GABRP: variants seen among roughly 807,000 people sequenced by gnomAD.
GABRP encodes the protein gamma-aminobutyric acid type A receptor subunit pi, also known as gamma-aminobutyric acid receptor subunit pi.
A neutral mutation model predicts 47.8 loss-of-function variants in GABRP; 52 were observed. That is an observed-to-expected ratio of 1.09 (90% CI 0.87 to 1.37). GABRP has a LOEUF of 1.37. Among genes scored for constraint, GABRP ranks in the 40% most tolerant of loss-of-function variants. The pLI, the probability that GABRP is intolerant of heterozygous loss-of-function variation, is 0.00. For missense variants in GABRP, 525 were observed against 542.8 expected (o/e 0.97, Z 0.33); for synonymous variants, 221 against 205.8 (o/e 1.07, Z -0.63).
At chr5:170,798,516 C>T (rs886749116) in intron 6 of GABRP, among the ~76,000 whole-genome samples, 1 of 152,068 alleles carries the variant, frequency 6.6e-6, no homozygotes, top group South Asian at 2.1e-4. Flanking sequence ...GCCCCTGAGA[C>T]CTAAACTTTT....
chr5:170,800,210 T>C (rs1264196405), intron 6 of GABRP, among the ~76,000 whole-genome samples: 5 of 152,208 alleles, frequency 3.3e-5, no homozygotes, highest in Non-Finnish European at 7.3e-5. Flanking sequence ...TATCTGATCT[T>C]TGACAAACCT....
Position 170,808,695 on chromosome 5 carries a change from T to C in GABRP, c.775T>C (p.Leu259=). Residue 259 remains leucine (L), a synonymous_variant, in exon 8 of 10, where the codon TTG becomes CTG. Transcript: ENST00000265294. ...CGTTCCTTCCACTTTCCTGGTGGTG[T>C]TGTCCTGGGTTTCATTTTGGATCTC... ...TYVPSTFLVV[L]SWVSFWISLD... 1.2e-6 allele frequency: 2 copies of C among 1,613,850 alleles called. No individual in the cohort carries two copies. Among genetic ancestry groups the C allele is most frequent in the Non-Finnish European group, 1.7e-6 (2 of 1,179,668 alleles).
chr5:170,793,423 G>A (rs1765331780), intron 3 of GABRP, among the ~76,000 whole-genome samples: 1 of 152,144 alleles, frequency 6.6e-6, no homozygotes, highest in African/African-American at 2.4e-5. Context: ...AGTTCAATCT[G>A]TCTGCTGAGA....
intron 8 of GABRP, 87 bp from the exon 9 acceptor site, chr5:170,809,481 C>T: frequency 7.5e-7 from 1 of 1,339,432 alleles, no homozygotes. Flanking sequence ...CCTCACCCTG[C>T]CAATTCTCAA....
At chr5:170,793,205 A>G (rs1320573554) in intron 3 of GABRP, among the ~76,000 whole-genome samples, 3 of 152,218 alleles carry the variant, frequency 2.0e-5, no homozygotes, top group African/African-American at 7.2e-5. Flanking sequence ...TGATGTCAGT[A>G]TGATCTCCAC....
At position 170,812,906 on chromosome 5, in the gene GABRP, A is replaced by T. The variant is rs183623447; in HGVS notation, c.*648A>T. On this transcript the variant is annotated 3_prime_UTR_variant, in exon 10 of 10. Transcript: ENST00000265294. ...GTGAAGAAAAAATTAGTAGATCAAC[A>T]ATCTAAACAAATCCCTCGGTTCTAA... is the stretch of plus-strand genomic sequence containing the variant. 271 of 152,464 alleles carry T rather than the reference A, an allele frequency of 1.8e-3. No homozygotes were observed. Among genetic ancestry groups the T allele is most frequent in the African/African-American group, 6.4e-3 (267 of 41,570 alleles). 9.4% of individuals were successfully genotyped at this position (152,464 alleles called of 1,614,324 possible).
In GABRP at chr5:170,789,244, G is replaced by C. The variant is rs146765294; in HGVS notation, c.169G>C (p.Gly57Arg). Residue 57 changes from glycine to arginine, a missense_variant, in exon 3 of 10, where the codon GGT becomes CGT. Gly to Arg is a moderately radical substitution (Grantham distance 125). Coordinates refer to ENST00000265294, the MANE Select transcript of GABRP (RefSeq NM_014211.3). ...GYNKFLRPNF[G>R]GEPVQIALTL... is the part of the protein sequence containing the mutation. ...TAACAAATTTCTCAGGCCCAATTTT[G>C]GTGGTAGGTCATCCTCTGTGTCCAG... The C allele has an allele frequency of 6.2e-7, 1 of 1,600,580 alleles. No homozygotes were observed. The highest frequency in any genetic ancestry group is 8.6e-7 in the Non-Finnish European group (1 of 1,167,930).
intron 5 of GABRP, among the ~76,000 whole-genome samples, chr5:170,795,942 G>A (rs1765416677): frequency 6.6e-6 from 1 of 152,108 alleles, no homozygotes; most frequent in African/African-American, 2.4e-5. Context: ...GAAAACCAAG[G>A]TGCAGTGCCC....
chr5:170,809,812 T>C (rs1765836236), intron 9 of GABRP, 57 bp downstream of exon 9: 1 of 1,514,524 alleles, frequency 6.6e-7, no homozygotes, highest in East Asian at 2.3e-5. Context: ...TGCTGATCTG[T>C]AGACATGGGC....
At chr5:170,811,568 A>G (rs1410044194) in intron 9 of GABRP, among the ~76,000 whole-genome samples, 1 of 152,072 alleles carries the variant, frequency 6.6e-6, no homozygotes, top group African/African-American at 2.4e-5. Flanking sequence ...AATACCAATC[A>G]CCATTTGGCA....
chr5:170,796,567 G>C (rs761433365), intron 5 of GABRP, among the ~76,000 whole-genome samples: 1 of 152,180 alleles, frequency 6.6e-6, no homozygotes, highest in Non-Finnish European at 1.5e-5. Flanking sequence ...CAAGTTACTT[G>C]ACTCTCAGAG....
chr5:170,795,132 A>G (rs1440114087), intron 4 of GABRP, 76 bp from the exon 5 acceptor site: 1 of 1,041,516 alleles, frequency 9.6e-7, no homozygotes, highest in Non-Finnish European at 1.5e-6. Flanking sequence ...GTAAACTTTG[A>G]CCACTTTCCT....
rs1161684450 is a variant in GABRP, at chr5:170,813,755, T to G, written c.*1497T>G. The G allele has an allele frequency of 6.6e-6, 1 of 152,132 alleles. No homozygotes were observed. The highest frequency in any genetic ancestry group is 1.5e-5 in the Non-Finnish European group (1 of 68,026). The allele number at this position is 152,132 out of a possible 1,614,324, so 9.4% of individuals were successfully genotyped here. A position where few individuals can be genotyped will look rare whatever the true frequency, so the allele number is the denominator to read the frequency against. Reference sequence around the variant, plus strand: ...TAAAAGATGATTTCCCTTCTGTAACTCCCTAGAGCCACAGGTTCTCATTCC... The same window carrying G: ...TAAAAGATGATTTCCCTTCTGTAACGCCCTAGAGCCACAGGTTCTCATTCC... On this transcript the variant is annotated 3_prime_UTR_variant, in exon 10 of 10. Transcript: ENST00000265294.
At chr5:170,793,355 G>A (rs1449350536) in intron 3 of GABRP, among the ~76,000 whole-genome samples, 1 of 152,288 alleles carries the variant, frequency 6.6e-6, no homozygotes, top group East Asian at 1.9e-4. Flanking sequence ...ACCTGGCCTG[G>A]CTTCTTGAAG....
At chr5:170,786,501 C>A (rs913125227) in intron 1 of GABRP, among the ~76,000 whole-genome samples, 1 of 152,172 alleles carries the variant, frequency 6.6e-6, no homozygotes, top group African/African-American at 2.4e-5. Context: ...AGACACCTTG[C>A]AGCCATTAGA....
intron 3 of GABRP, among the ~76,000 whole-genome samples, chr5:170,792,243 G>T (rs920219164): frequency 3.3e-5 from 5 of 152,124 alleles, no homozygotes; most frequent in Non-Finnish European, 7.3e-5. Context: ...AGGAGTTAGA[G>T]ACCAGCCTGG....
intron 4 of GABRP, 36 bp from the exon 5 acceptor site, chr5:170,795,172 C>A: frequency 2.0e-6 from 3 of 1,480,548 alleles, no homozygotes; most frequent in South Asian, 2.3e-5. Context: ...CACCCACTAC[C>A]CCCATCCATT....
In GABRP at chr5:170,812,556, C is replaced by T. The variant is rs1765917378; in HGVS notation, c.*298C>T. 27 of 294,858 alleles carry T rather than the reference C, an allele frequency of 9.2e-5. No individual in the cohort carries two copies. In the South Asian group the frequency reaches 1.6e-3, roughly 17 times the overall value. 18.3% of individuals were successfully genotyped at this position (294,858 alleles called of 1,614,324 possible). A position where few individuals can be genotyped will look rare whatever the true frequency, so the allele number is the denominator to read the frequency against. On this transcript the variant is annotated 3_prime_UTR_variant, in exon 10 of 10. Transcript: ENST00000265294. ...CTCAGGGCTGTTTATTCGGTGGCTC[C>T]CTGGTTTGCATTTACCTCATATAAA...
intron 8 of GABRP, 93 bp downstream of exon 8, chr5:170,808,845 G>T: frequency 1.8e-6 from 2 of 1,084,602 alleles, no homozygotes; most frequent in Non-Finnish European, 2.7e-6. Flanking sequence ...TATTCCTAAG[G>T]CAGTTCCAAG....
Sources: gnomAD v4.1 joint callset for allele counts (sites outside exome capture counted in the v4.1 genomes callset) on GRCh38, gnomAD v4.1.1 for gene constraint, MANE v1.5 for transcripts, NCBI Gene and HGNC (gene_info 2026-07-23, HGNC 2026-07-21) for gene names.